Variants in GNAQ observed in about 807,000 individuals in gnomAD.
The protein encoded by GNAQ is G protein subunit alpha q.
A neutral mutation model predicts 43.9 loss-of-function variants in GNAQ; 8 were observed. The ratio of observed to expected loss-of-function variants is 0.18; its 90% confidence interval spans 0.11 to 0.33. The LOEUF is 0.33. GNAQ is among the 10% of genes least tolerant of loss of function. The pLI is 1.00. For missense variants in GNAQ, 158 were observed against 450.8 expected, an observed-to-expected ratio of 0.35 and a Z score of 5.88; for synonymous variants, 155 against 170.7, an observed-to-expected ratio of 0.91 and a Z score of 0.71.
At chr9:77,762,044 C>G (rs1199201727) in intron 5 of GNAQ, among the ~76,000 whole-genome samples, 103 of 117,080 alleles carry the variant, frequency 8.8e-4, no homozygotes, top group Admixed American at 1.5e-3. Flanking sequence ...GCCCCTCTGC[C>G]CGGCCAGCCG....
At chr9:77,985,955 C>CT (rs956354735) in intron 1 of GNAQ, among the ~76,000 whole-genome samples, 25 of 152,082 alleles carry the variant, frequency 1.6e-4, no homozygotes, top group Non-Finnish European at 3.1e-4. Flanking sequence ...GACACAAAGA[C>CT]TTTTTTTTCC....
chr9:77,944,085 C>G (rs1587423683), intron 1 of GNAQ, among the ~76,000 whole-genome samples: 1 of 151,598 alleles, frequency 6.6e-6, no homozygotes, highest in African/African-American at 2.4e-5. Context: ...AGAAAACAGG[C>G]AGGCAGTATG....
intron 2 of GNAQ, among the ~76,000 whole-genome samples, chr9:77,900,981 A>G (rs1828600238): frequency 6.6e-6 from 1 of 152,118 alleles, no homozygotes; most frequent in African/African-American, 2.4e-5. Context: ...CTGACCAACA[A>G]ACACACTCGG....
At chr9:77,882,417 C>T (rs1017967421) in intron 2 of GNAQ, among the ~76,000 whole-genome samples, 4 of 152,188 alleles carry the variant, frequency 2.6e-5, no homozygotes, top group African/African-American at 9.7e-5. Context: ...CAGCAAATTA[C>T]ACTTCTAAGA....
At chr9:77,824,166 T>A (rs117916102) in intron 2 of GNAQ, among the ~76,000 whole-genome samples, 2 of 152,222 alleles carry the variant, frequency 1.3e-5, no homozygotes, top group African/African-American at 4.8e-5. Context: ...AACTATTTCA[T>A]AGAATTGTTT....
chr9:77,756,968 C>T lies in GNAQ; in HGVS notation c.736-28301G>A, dbSNP rs1252240129. 4.6e-5 allele frequency among the ~76,000 whole-genome samples: 7 copies of T among 152,192 alleles called. No individual in the cohort carries two copies. The East Asian group carries it at 5.8e-4, about 13-fold the overall frequency. On this transcript the variant is annotated intron_variant, in intron 5 of 6. Transcript: ENST00000286548. ...TTTCATTGTGCCTTCTCAAAGCCTG[C>T]TCCATAGCTTCCATTCACACTGATA...
chr9:78,027,607 C>T lies in GNAQ; in HGVS notation c.136+3493G>A, dbSNP rs374343736. 7.9e-5 allele frequency among the ~76,000 whole-genome samples: 12 copies of T among 151,990 alleles called. No individual in the cohort carries two copies. The South Asian group carries it at 2.5e-3, about 32-fold the overall frequency. On this transcript the variant is annotated intron_variant, in intron 1 of 6. Coordinates refer to ENST00000286548, the MANE Select transcript of GNAQ (RefSeq NM_002072.5). Reference sequence around the variant, plus strand: ...CTCTACTAAATGCAAAAAAAATAGCCGGGCGTGGTGGTGCATGCCTGTAAT... The same window carrying T: ...CTCTACTAAATGCAAAAAAAATAGCTGGGCGTGGTGGTGCATGCCTGTAAT...
At chr9:77,907,151 A>G (rs1828722927) in intron 2 of GNAQ, among the ~76,000 whole-genome samples, 1 of 152,208 alleles carries the variant, frequency 6.6e-6, no homozygotes, top group Non-Finnish European at 1.5e-5. Context: ...ATTCATGGGC[A>G]AGTTATTTTT....
At chr9:77,905,931 G>C (rs371829599) in intron 2 of GNAQ, among the ~76,000 whole-genome samples, 23 of 152,050 alleles carry the variant, frequency 1.5e-4, no homozygotes, top group Non-Finnish European at 2.2e-4. Context: ...GAGCTGTCAG[G>C]GGGTGGGAGA....
rs573969953 is a variant in GNAQ at position 77,812,840 on chromosome 9, A to T, written c.476+2776T>A. On this transcript the variant is annotated intron_variant, in intron 3 of 6. Coordinates refer to ENST00000286548, the MANE Select transcript of GNAQ (RefSeq NM_002072.5). ...TATTACTTCAGCATAAAATGTGATT[A>T]AAAAAGATTTAGGTGACGTATGTCT... Among the ~76,000 whole-genome samples the T allele has an allele frequency of 4.9e-4, 74 of 152,168 alleles. No individual in the cohort carries two copies. The East Asian group carries it at 0.011, about 22-fold the overall frequency.
chr9:77,989,557 A>G (rs1823483423), intron 1 of GNAQ, among the ~76,000 whole-genome samples: 1 of 152,224 alleles, frequency 6.6e-6, no homozygotes, highest in African/African-American at 2.4e-5. Flanking sequence ...ACTGCAAGAG[A>G]GAGACCTTTT....
chr9:78,014,195 G>C (rs1283814863), intron 1 of GNAQ, among the ~76,000 whole-genome samples: 1 of 152,114 alleles, frequency 6.6e-6, no homozygotes, highest in Non-Finnish European at 1.5e-5. Context: ...AGGGGTAGCT[G>C]CAAGAAATCA....
intron 1 of GNAQ, among the ~76,000 whole-genome samples, chr9:78,008,377 G>A (rs1053669139): frequency 4.6e-5 from 7 of 152,178 alleles, no homozygotes; most frequent in Non-Finnish European, 7.3e-5. Flanking sequence ...TAAGAAATGG[G>A]GGCAAGGGAG....
chr9:77,753,913 G>A (rs886461717), intron 5 of GNAQ, among the ~76,000 whole-genome samples: 1 of 152,182 alleles, frequency 6.6e-6, no homozygotes, highest in Non-Finnish European at 1.5e-5. Context: ...TGCCTGTCAG[G>A]AAGTCATCTT....
intron 1 of GNAQ, among the ~76,000 whole-genome samples, chr9:78,029,782 T>A (rs1824026933): frequency 6.6e-6 from 1 of 152,232 alleles, no homozygotes; most frequent in Non-Finnish European, 1.5e-5. Context: ...AAATGCATGC[T>A]TCTCACAAAC....
chr9:77,760,270 T>C (rs868114285), intron 5 of GNAQ, among the ~76,000 whole-genome samples: 9 of 150,850 alleles, frequency 6.0e-5, no homozygotes, highest in African/African-American at 2.0e-4. Flanking sequence ...GAAGCTGGAC[T>C]GTACTGCTGC....
chr9:78,003,391 T>C (rs1372251306), intron 1 of GNAQ, among the ~76,000 whole-genome samples: 2 of 152,212 alleles, frequency 1.3e-5, no homozygotes, highest in Admixed American at 6.5e-5. Context: ...CTGTCTTCCA[T>C]AGTATTCTTC....
intron 2 of GNAQ, among the ~76,000 whole-genome samples, chr9:77,835,064 A>G (rs1827362027): frequency 6.6e-6 from 1 of 152,022 alleles, no homozygotes. Flanking sequence ...ATTTTTTCCT[A>G]TACATACGTA....
At chr9:77,919,808 T>C (rs1406759649) in intron 2 of GNAQ, among the ~76,000 whole-genome samples, 1 of 152,186 alleles carries the variant, frequency 6.6e-6, no homozygotes, top group African/African-American at 2.4e-5. Flanking sequence ...TGTCAATTTA[T>C]AACTGAATAG....
Sources: allele counts gnomAD v4.1 joint callset (sites outside exome capture counted in the v4.1 genomes callset), GRCh38; gene constraint gnomAD v4.1.1; transcripts MANE v1.5; gene names NCBI Gene and HGNC (gene_info 2026-07-23, HGNC 2026-07-21).